The following SYNE2 variants were observed in gnomAD, a reference collection of about 807,000 sequenced individuals.
SYNE2 encodes spectrin repeat containing nuclear envelope protein 2, also known as nesprin-2.
In SYNE2, 431 loss-of-function variants were observed where a neutral mutation model predicts 856.3. The observed-to-expected ratio is 0.50, with a 90% CI of 0.47 to 0.55. The LOEUF (loss-of-function observed/expected upper bound fraction) is 0.55, where lower values mean the gene tolerates loss of function less well. Ranked by LOEUF, SYNE2 falls within the 20% of genes least tolerant of loss-of-function variation. SYNE2 has a pLI of 0.00. For missense variants in SYNE2, 8,129 were observed against 8,023.2 expected (o/e 1.01, Z -0.50); for synonymous variants, 2,923 against 2,872.3 (o/e 1.02, Z -0.56).
At chr14:64,197,723 T>C (rs987313920) in intron 99 of SYNE2, among the ~76,000 whole-genome samples, 1 of 152,230 alleles carries the variant, frequency 6.6e-6, no homozygotes, top group Non-Finnish European at 1.5e-5. Context: ...ATTCCATATG[T>C]ATAAATTTGA....
intron 1 of SYNE2, among the ~76,000 whole-genome samples, chr14:63,872,447 CAAG>C: frequency 6.7e-6 from 1 of 148,556 alleles, no homozygotes; most frequent in East Asian, 2.0e-4. Flanking sequence ...AAAAAAAAGA[CAAG>C]AAAAATCCAA....
At chr14:63,985,709 ATAC>A (rs2096620404) in intron 18 of SYNE2, among the ~76,000 whole-genome samples, 1 of 152,214 alleles carries the variant, frequency 6.6e-6, no homozygotes, top group Non-Finnish European at 1.5e-5. Context: ...AAAGTGATAT[ATAC>A]TATTTTGAAG....
Position 64,125,118 on chromosome 14 carries a change from T to C in SYNE2, c.13462T>C (p.Tyr4488His). 4 of 1,614,188 alleles carry C rather than the reference T, an allele frequency of 2.5e-6. No homozygotes were observed. Among genetic ancestry groups the C allele is most frequent in the Non-Finnish European group, 3.4e-6 (4 of 1,180,034 alleles). The change falls in exon 71 of 116, where the codon TAT becomes CAT. Residue 4488 changes from tyrosine (Y) to histidine (H), a missense_variant. Transcript: ENST00000555002. ...GGGTATTCTACCCAGCGTGACTATG[T>C]ATAACTTTAGATACCCAACAACTGA... ...NMGILPSVTMYNFRYPTTEEL... is the reference protein window; with the variant it reads ...NMGILPSVTMHNFRYPTTEEL...
rs2098715757 is a variant in SYNE2, at chr14:64,225,644, T to C, written c.*118T>C. The C allele has an allele frequency of 8.7e-7, 1 of 1,152,434 alleles. No individual in the cohort carries two copies. The highest frequency in any genetic ancestry group is 1.3e-6 in the Non-Finnish European group (1 of 783,926). The allele number at this position is 1,152,434 out of a possible 1,614,324, so 71.4% of individuals were successfully genotyped here. A position where few individuals can be genotyped will look rare whatever the true frequency, so the allele number is the denominator to read the frequency against. On this transcript the variant is annotated 3_prime_UTR_variant, in exon 116 of 116. Coordinates refer to ENST00000555002, the MANE Select transcript of SYNE2 (RefSeq NM_182914.3). ...GCAAGGTCCCGGGACCTGTGCAGAC[T>C]TCTTCTGGGCTTACCCAGCACGGGC...
intron 63 of SYNE2, 96 bp from the exon 64 acceptor site, chr14:64,101,836 A>G: frequency 2.3e-6 from 2 of 853,000 alleles, no homozygotes; most frequent in South Asian, 2.8e-5. Flanking sequence ...CTGCCTGATA[A>G]GTTGAGTCTG....
At chr14:64,101,576 G>C (rs2097730033) in intron 63 of SYNE2, among the ~76,000 whole-genome samples, 2 of 152,152 alleles carry the variant, frequency 1.3e-5, no homozygotes, top group Admixed American at 1.3e-4. Context: ...CCAAAGGGCT[G>C]GGTTTATGGG....
intron 1 of SYNE2, among the ~76,000 whole-genome samples, chr14:63,827,657 G>GAAAAAAAAAA (rs1889500303): frequency 1.4e-5 from 1 of 73,862 alleles, no homozygotes; most frequent in Non-Finnish European, 2.8e-5. Flanking sequence ...AAAAAAAAAA[G>GAAAAAAAAAA]AAAGAAAAAG....
intron 1 of SYNE2, among the ~76,000 whole-genome samples, chr14:63,783,740 C>G (rs1203709875): frequency 1.3e-5 from 2 of 151,770 alleles, no homozygotes; most frequent in Admixed American, 1.3e-4. Flanking sequence ...TTATAACTGC[C>G]AGAAAAGAAA....
intron 12 of SYNE2, among the ~76,000 whole-genome samples, chr14:63,977,004 G>T (rs2096548660): frequency 6.6e-6 from 1 of 151,710 alleles, no homozygotes; most frequent in Admixed American, 6.6e-5. Flanking sequence ...AGGTCAAGGG[G>T]TGGGAGGGTG....
At chr14:64,141,212 G>C in intron 80 of SYNE2, 129 bp from the exon 81 acceptor site, 1 of 691,350 alleles carries the variant, frequency 1.4e-6, no homozygotes, top group South Asian at 2.0e-5. Context: ...AAAAAGGGGT[G>C]TGTGTGTGTG....
At chr14:63,874,687 C>T (rs1378306116) in intron 1 of SYNE2, among the ~76,000 whole-genome samples, 1 of 152,026 alleles carries the variant, frequency 6.6e-6, no homozygotes, top group African/African-American at 2.4e-5. Context: ...AACTAATGGA[C>T]TTTACAAGTG....
intron 1 of SYNE2, among the ~76,000 whole-genome samples, chr14:63,792,638 A>G (rs1340460490): frequency 7.1e-6 from 1 of 141,536 alleles, no homozygotes; most frequent in Non-Finnish European, 1.5e-5. Flanking sequence ...TATTGAAGAG[A>G]GGGATGTTTT....
In SYNE2 at chr14:64,225,247, A is replaced by C. The variant is rs572838539; in HGVS notation, c.20517-72A>C. On this transcript the variant is annotated intron_variant, in intron 115 of 115. Coordinates refer to ENST00000555002, the MANE Select transcript of SYNE2 (RefSeq NM_182914.3). ...TCTTGGATTTCTTACTTACATAAGCAGGGGCTTAGGTAATAGAGTGGGTTG... is the reference window on the plus strand; with the variant it reads ...TCTTGGATTTCTTACTTACATAAGCCGGGGCTTAGGTAATAGAGTGGGTTG... The C allele has an allele frequency of 1.5e-5, 24 of 1,603,048 alleles. No individual in the cohort carries two copies. The South Asian group carries it at 2.0e-4, about 13-fold the overall frequency.
At chr14:64,174,031 A>AG in intron 94 of SYNE2, 1 of 622,440 alleles carries the variant, frequency 1.6e-6, no homozygotes, top group Non-Finnish European at 2.8e-6. Flanking sequence ...ACTAAAATAT[A>AG]GAAAAAAATA....
chr14:63,876,494 CTT>C (rs11452526), intron 1 of SYNE2, among the ~76,000 whole-genome samples: 1 of 147,060 alleles, frequency 6.8e-6, no homozygotes, highest in Non-Finnish European at 1.5e-5. Flanking sequence ...AAATATGTTC[CTT>C]TTTTTTTTTG....
intron 1 of SYNE2, among the ~76,000 whole-genome samples, chr14:63,768,072 T>G (rs1886753978): frequency 6.6e-6 from 1 of 151,952 alleles, no homozygotes; most frequent in Admixed American, 6.6e-5. Context: ...GGCACCTCTG[T>G]AGTCCCAGCT....
intron 1 of SYNE2, among the ~76,000 whole-genome samples, chr14:63,888,244 C>T (rs1481006081): frequency 2.0e-5 from 3 of 152,162 alleles, no homozygotes; most frequent in South Asian, 2.1e-4. Flanking sequence ...AGTGATTCTA[C>T]GACATGGTAT....
chr14:63,780,501 TC>T (rs1435354747), intron 1 of SYNE2, among the ~76,000 whole-genome samples: 3 of 152,042 alleles, frequency 2.0e-5, no homozygotes, highest in Non-Finnish European at 4.4e-5. Flanking sequence ...GCCACTGTAT[TC>T]CAGCCCGGGC....
chr14:64,183,126 GCTGCCGGGCGGAGGGGCTCCTCACTT>G (rs2098468708), intron 96 of SYNE2, among the ~76,000 whole-genome samples: 1 of 140,362 alleles, frequency 7.1e-6, no homozygotes, highest in East Asian at 2.0e-4. Flanking sequence ...GGACGGGGCG[GCTGCCGGGCGGAGGGGCTCCTCACTT>G]CTCGGACGGG....
Sources: allele counts gnomAD v4.1 joint callset (sites outside exome capture counted in the v4.1 genomes callset), GRCh38; gene constraint gnomAD v4.1.1; transcripts MANE v1.5; gene names NCBI Gene and HGNC (gene_info 2026-07-23, HGNC 2026-07-21).